The following ATP1A1 variants were observed in gnomAD, a reference collection of about 807,000 sequenced individuals.
ATP1A1 encodes the protein sodium/potassium-transporting ATPase subunit alpha-1.
ATP1A1 carries 14 observed loss-of-function variants against 114.8 expected under a neutral mutation model. The ratio of observed to expected loss-of-function variants is 0.12; its 90% CI spans 0.08 to 0.19. The LOEUF is 0.19. Ranked by LOEUF, ATP1A1 falls within the 10% of genes least tolerant of loss-of-function variation. The pLI is 1.00. For missense variants in ATP1A1, 524 were observed against 1,290.7 expected (o/e 0.41, Z 9.10); for synonymous variants, 471 against 466.3 (o/e 1.01, Z -0.13).
chr1:116,375,815 G>C (rs771583288), intron 1 of ATP1A1, among the ~76,000 whole-genome samples: 1 of 152,232 alleles, frequency 6.6e-6, no homozygotes, highest in Admixed American at 6.5e-5. Flanking sequence ...AGCCTGTGCC[G>C]GCAGCTAATT....
chr1:116,402,190 C>G (rs940303278), intron 21 of ATP1A1, among the ~76,000 whole-genome samples: 12 of 151,976 alleles, frequency 7.9e-5, no homozygotes, highest in African/African-American at 2.7e-4. Flanking sequence ...AGTCTTTGGC[C>G]TTAAACACAG....
At chr1:116,376,252 G>A (rs1415451044) in intron 1 of ATP1A1, among the ~76,000 whole-genome samples, 1 of 152,138 alleles carries the variant, frequency 6.6e-6, no homozygotes, top group Non-Finnish European at 1.5e-5. Context: ...ATTTAAGGAA[G>A]GGCAGGGAAA....
At position 116,404,528 on chromosome 1, in the gene ATP1A1, A is replaced by G. The variant is rs1653815076; in HGVS notation, c.*84A>G. On this transcript the variant is annotated 3_prime_UTR_variant, in exon 23 of 23. Coordinates refer to ENST00000295598, the MANE Select transcript of ATP1A1 (RefSeq NM_000701.8). This position sits in a 1 kb window ranked among gnomAD's most constrained non-coding sequence, Gnocchi z 4.8. ...CCCTCTTTGTGTACTTCAGTCTTGGAGTTTGGAACTCTACCCTGGTAGGAA... is the reference window on the plus strand; with the variant it reads ...CCCTCTTTGTGTACTTCAGTCTTGGGGTTTGGAACTCTACCCTGGTAGGAA... The G allele has an allele frequency of 6.6e-7, 1 of 1,522,648 alleles. No individual in the cohort carries two copies. The highest frequency in any genetic ancestry group is 8.8e-7 in the Non-Finnish European group (1 of 1,141,178). 94.3% of individuals were successfully genotyped at this position (1,522,648 alleles called of 1,614,324 possible). A position where few individuals can be genotyped will look rare whatever the true frequency, so the allele number is the denominator to read the frequency against.
chr1:116,386,001 C>T (rs1482393059), intron 3 of ATP1A1: 1 of 152,448 alleles, frequency 6.6e-6, no homozygotes, highest in South Asian at 2.1e-4. Context: ...TGGTGCATGC[C>T]TGTAATCCCA....
chr1:116,375,110 T>A (rs1456210053), intron 1 of ATP1A1, among the ~76,000 whole-genome samples: 1 of 152,218 alleles, frequency 6.6e-6, no homozygotes, highest in Non-Finnish European at 1.5e-5. Context: ...AAGCTCATTC[T>A]TTGTCTCTCC....
rs773672785 is a variant in ATP1A1, at chr1:116,399,000, C to G, written c.2364C>G (p.Thr788=). 2.5e-6 allele frequency: 4 copies of G among 1,614,180 alleles called. No individual in the cohort carries two copies. The highest frequency in any genetic ancestry group is 2.5e-6 in the Non-Finnish European group (3 of 1,180,034). ...YTLTSNIPEI[T]PFLIFIIANI... is the part of the protein sequence containing the mutation. The stretch of plus-strand genomic sequence containing the variant: ...TAACCAGTAACATTCCCGAGATCAC[C>G]CCGTTCCTGATATTTATTATTGCAA... Residue 788 remains threonine (T), a synonymous_variant, in exon 17 of 23, where the codon ACC becomes ACG. Transcript: ENST00000295598. The surrounding 1 kb of genome is among the most constrained non-coding windows in gnomAD (Gnocchi z 6.1).
Position 116,390,240 on chromosome 1 carries a change from A to T in ATP1A1, c.1051A>T (p.Met351Leu). The T allele has an allele frequency of 6.2e-7, 1 of 1,614,198 alleles. No individual in the cohort carries two copies. The highest frequency in any genetic ancestry group is 8.5e-7 in the Non-Finnish European group (1 of 1,180,034). Residue 351 changes from methionine to leucine, a missense_variant, in exon 9 of 23, where the codon ATG (methionine) becomes TTG (leucine). Coordinates refer to ENST00000295598, the MANE Select transcript of ATP1A1 (RefSeq NM_000701.8). ...TVCLTLTAKR[M>L]ARKNCLVKNL... is the part of the protein sequence containing the mutation. ...CTGTCTGACACTTACTGCCAAACGC[A>T]TGGCAAGGAAAAACTGCTTAGTGAA...
In ATP1A1 at chr1:116,389,195, C is replaced by T. The variant is rs953593287; in HGVS notation, c.754+176C>T. Among the ~76,000 whole-genome samples, 3 of 152,166 alleles carry T rather than the reference C, an allele frequency of 2.0e-5. No homozygotes were observed. Among genetic ancestry groups the T allele is most frequent in the African/African-American group, 7.2e-5 (3 of 41,446 alleles). Reference sequence around the variant, plus strand: ...GAAACCTTGTGGCAGTTTCCCTTCCCTCCACCTCCACCCTGCCTCTTCTGT... The same window carrying T: ...GAAACCTTGTGGCAGTTTCCCTTCCTTCCACCTCCACCCTGCCTCTTCTGT... On this transcript the variant is annotated intron_variant, in intron 7 of 22. Coordinates refer to ENST00000295598, the MANE Select transcript of ATP1A1 (RefSeq NM_000701.8). The surrounding 1 kb of genome is among the most constrained non-coding windows in gnomAD (Gnocchi z 6.9).
Position 116,383,333 on chromosome 1 carries a change from C to T in ATP1A1, c.13-681C>T, listed in dbSNP as rs1049707668. On this transcript the variant is annotated intron_variant, in intron 1 of 22. Coordinates refer to ENST00000295598, the MANE Select transcript of ATP1A1 (RefSeq NM_000701.8). The stretch of plus-strand genomic sequence containing the variant: ...TTTAATATGGGAAGCTGGTAAAGGT[C>T]AGTGTTCTTATGTGAGCACTAAAGA... 4.6e-6 allele frequency: 5 copies of T among 1,075,526 alleles called. No individual in the cohort carries two copies. In the African/African-American group the frequency reaches 8.6e-5, roughly 19 times the overall value. The allele number at this position is 1,075,526 out of a possible 1,614,324, so 66.6% of individuals were successfully genotyped here. A position where few individuals can be genotyped will look rare whatever the true frequency, so the allele number is the denominator to read the frequency against.
chr1:116,380,743 T>A (rs1485578915), intron 1 of ATP1A1, among the ~76,000 whole-genome samples: 1 of 152,200 alleles, frequency 6.6e-6, no homozygotes, highest in African/African-American at 2.4e-5. Flanking sequence ...GAATTTTATC[T>A]TCTCATGTCT....
rs889537917 is a variant in ATP1A1, at chr1:116,389,824, GTTC to G, written c.1023+123_1023+125del. The G allele has an allele frequency of 1.1e-5, 15 of 1,414,592 alleles. No homozygotes were observed. Among genetic ancestry groups the G allele is most frequent in the Admixed American group, 2.3e-5 (1 of 42,784 alleles). The allele number at this position is 1,414,592 out of a possible 1,614,324, so 87.6% of individuals were successfully genotyped here. The stretch of plus-strand genomic sequence containing the variant: ...TGTTTTATTCTGGATGTTTGATATA[GTTC>G]TTCTTGAGAGCCACATCACGTGGTG... On this transcript the variant is annotated intron_variant, in intron 8 of 22. Transcript: ENST00000295598. The surrounding 1 kb of genome is among the most constrained non-coding windows in gnomAD (Gnocchi z 6.9).
chr1:116,379,068 G>T (rs771105348), intron 1 of ATP1A1, among the ~76,000 whole-genome samples: 2 of 152,058 alleles, frequency 1.3e-5, no homozygotes, highest in Non-Finnish European at 1.5e-5. Flanking sequence ...TTTATTTTTT[G>T]AATGATCATG....
chr1:116,383,268 T>C, intron 1 of ATP1A1: 1 of 759,582 alleles, frequency 1.3e-6, no homozygotes, highest in South Asian at 3.8e-5. Flanking sequence ...CCCTTTTTTA[T>C]CTCTTATGCA....
chr1:116,379,390 C>T (rs1029999214), intron 1 of ATP1A1, among the ~76,000 whole-genome samples: 11 of 152,250 alleles, frequency 7.2e-5, no homozygotes, highest in Admixed American at 1.3e-4. Flanking sequence ...AGAACTGCTG[C>T]TCCTGCAGTG....
rs912098406 is a variant in ATP1A1 at position 116,381,657 on chromosome 1, A to G, written c.13-2357A>G. Among the ~76,000 whole-genome samples, 2 of 152,216 alleles carry G rather than the reference A, an allele frequency of 1.3e-5. No homozygotes were observed. Among genetic ancestry groups the G allele is most frequent in the African/African-American group, 4.8e-5 (2 of 41,454 alleles). ...CTTTAGCACTGATAGTGGTGAAGCT[A>G]TGGGCAAGACATTTATTTTGTAAGT... is the stretch of plus-strand genomic sequence containing the variant. On this transcript the variant is annotated intron_variant, in intron 1 of 22. Coordinates refer to ENST00000295598, the MANE Select transcript of ATP1A1 (RefSeq NM_000701.8). This position sits in a 1 kb window ranked among gnomAD's most constrained non-coding sequence, Gnocchi z 5.1.
In ATP1A1 at chr1:116,384,752, A is replaced by C. The variant is rs2101038806; in HGVS notation, c.124-31A>C. ...GTCATTTTTTTATACTACACTGTTT[A>C]ACTATTTTCTTTGTTTCTGTTTTCC... On this transcript the variant is annotated intron_variant, in intron 2 of 22. Transcript: ENST00000295598. This position sits in a 1 kb window ranked among gnomAD's most constrained non-coding sequence, Gnocchi z 5.1. The C allele has an allele frequency of 6.4e-7, 1 of 1,566,848 alleles. No homozygotes were observed. Among genetic ancestry groups the C allele is most frequent in the South Asian group, 1.2e-5 (1 of 86,666 alleles).
At position 116,398,115 on chromosome 1, in the gene ATP1A1, C is replaced by T. The variant is rs572513531; in HGVS notation, c.2124+77C>T. 6.9e-5 allele frequency: 108 copies of T among 1,563,212 alleles called. No homozygotes were observed. The African/African-American group carries it at 7.2e-4, about 10-fold the overall frequency. On this transcript the variant is annotated intron_variant, in intron 15 of 22. Transcript: ENST00000295598. This position sits in a 1 kb window ranked among gnomAD's most constrained non-coding sequence, Gnocchi z 6.1. ...TGGAGTTCCAGTGGAAACAGAGCAACGGTGATGGATGGATGCATACCTCGC... is the reference window on the plus strand; with the variant it reads ...TGGAGTTCCAGTGGAAACAGAGCAATGGTGATGGATGGATGCATACCTCGC...
intron 1 of ATP1A1, among the ~76,000 whole-genome samples, chr1:116,382,926 CT>C (rs1040730458): frequency 2.0e-5 from 3 of 152,044 alleles, no homozygotes; most frequent in African/African-American, 7.3e-5. Context: ...ACTTTTTGGC[CT>C]TAAGTTGTAG....
At chr1:116,377,698 A>T (rs2101030649) in intron 1 of ATP1A1, among the ~76,000 whole-genome samples, 1 of 152,286 alleles carries the variant, frequency 6.6e-6, no homozygotes, top group South Asian at 2.1e-4. Flanking sequence ...TGCTGTGCTG[A>T]CTTCTTCTAG....
Sources: allele counts gnomAD v4.1 joint callset (sites outside exome capture counted in the v4.1 genomes callset), GRCh38; gene constraint gnomAD v4.1.1; non-coding constraint Gnocchi (gnomAD v3.1); transcripts MANE v1.5; gene names NCBI Gene and HGNC (gene_info 2026-07-23, HGNC 2026-07-21).